The following PCSK2 variants were observed in gnomAD, a reference collection of about 807,000 sequenced individuals.
PCSK2 encodes proprotein convertase subtilisin/kexin type 2.
Under a neutral mutation model 69.7 loss-of-function variants are expected in PCSK2, and 14 were observed. The ratio of observed to expected loss-of-function variants is 0.20; its 90% CI spans 0.13 to 0.31. PCSK2 has a LOEUF of 0.31. Among genes scored for constraint, PCSK2 ranks in the 10% least tolerant of loss-of-function variants. The probability of loss-of-function intolerance (pLI) is 1.00; values close to 1 mark genes in which losing one functional copy is unlikely to be tolerated. For missense variants in PCSK2, 544 were observed against 842.5 expected (o/e 0.65, Z 4.39); for synonymous variants, 307 against 320.7 (o/e 0.96, Z 0.46).
chr20:17,293,921 G>A (rs976017350), intron 2 of PCSK2, among the ~76,000 whole-genome samples: 1 of 151,824 alleles, frequency 6.6e-6, no homozygotes, highest in African/African-American at 2.4e-5. Context: ...TTTTAAAATG[G>A]GCTGGTCCAG....
chr20:17,402,435 G>T (rs571793371), intron 5 of PCSK2, among the ~76,000 whole-genome samples: 1 of 152,122 alleles, frequency 6.6e-6, no homozygotes, highest in Non-Finnish European at 1.5e-5. Context: ...GGAGGCTGAG[G>T]CAGGCAGATC....
intron 11 of PCSK2, among the ~76,000 whole-genome samples, chr20:17,477,681 C>T (rs73900846): frequency 0.034 from 5,187 of 152,026 alleles, 318 homozygotes; most frequent in African/African-American, 0.12. Context: ...ACATGGTATT[C>T]CTACAAGAAT....
chr20:17,388,564 T>TA (rs1232603392), intron 5 of PCSK2, among the ~76,000 whole-genome samples: 1 of 152,018 alleles, frequency 6.6e-6, no homozygotes, highest in African/African-American at 2.4e-5. Flanking sequence ...CATATATCTC[T>TA]AAAAAAAGCA....
chr20:17,335,981 G>A (rs544099158), intron 2 of PCSK2, among the ~76,000 whole-genome samples: 3 of 151,838 alleles, frequency 2.0e-5, no homozygotes, highest in Admixed American at 6.6e-5. Flanking sequence ...GCTCATCACA[G>A]CATCACCTAT....
chr20:17,402,553 C>T (rs2031662495), intron 5 of PCSK2, among the ~76,000 whole-genome samples: 1 of 151,284 alleles, frequency 6.6e-6, no homozygotes, highest in African/African-American at 2.4e-5. Context: ...CCCAGCTACT[C>T]AGGAGGCTGA....
At chr20:17,478,118 T>A (rs2033323639) in intron 11 of PCSK2, among the ~76,000 whole-genome samples, 1 of 152,222 alleles carries the variant, frequency 6.6e-6, no homozygotes, top group Non-Finnish European at 1.5e-5. Context: ...TAGGAGCAAC[T>A]CTTAAAATTA....
chr20:17,416,213 G>A (rs2031996134), intron 6 of PCSK2, among the ~76,000 whole-genome samples: 1 of 152,148 alleles, frequency 6.6e-6, no homozygotes, highest in Admixed American at 6.6e-5. Flanking sequence ...CACGGCAGAA[G>A]AAACTACCAT....
chr20:17,471,959 C>G (rs2033209415), intron 11 of PCSK2, among the ~76,000 whole-genome samples: 1 of 152,218 alleles, frequency 6.6e-6, no homozygotes, highest in Non-Finnish European at 1.5e-5. Flanking sequence ...TTGTGGGTTT[C>G]CTTGGCATTA....
At chr20:17,354,343 G>T (rs2030121272) in intron 2 of PCSK2, among the ~76,000 whole-genome samples, 1 of 152,158 alleles carries the variant, frequency 6.6e-6, no homozygotes, top group Non-Finnish European at 1.5e-5. Flanking sequence ...TAATTAAGTT[G>T]TATGCATGTT....
intron 2 of PCSK2, among the ~76,000 whole-genome samples, chr20:17,320,265 A>G (rs1989823222): frequency 6.6e-6 from 1 of 152,218 alleles, no homozygotes. Context: ...GAAATCATAT[A>G]GAACTCATAG....
intron 4 of PCSK2, among the ~76,000 whole-genome samples, chr20:17,362,387 A>G (rs1397664320): frequency 1.5e-4 from 23 of 152,194 alleles, no homozygotes; most frequent in Non-Finnish European, 2.9e-5. Context: ...AAACAACCAT[A>G]TTATTATCTC....
At chr20:17,260,423 A>G in intron 2 of PCSK2, 79 bp downstream of exon 2, 1 of 973,716 alleles carries the variant, frequency 1.0e-6, no homozygotes, top group Non-Finnish European at 1.7e-6. Context: ...AGGGGCTGGC[A>G]GGGAATTTTG....
intron 11 of PCSK2, among the ~76,000 whole-genome samples, chr20:17,475,964 C>A (rs899932222): frequency 2.6e-5 from 4 of 152,188 alleles, no homozygotes; most frequent in African/African-American, 9.7e-5. Context: ...TGTTATCATT[C>A]TCTGCTTCCT....
chr20:17,320,393 C>T (rs558795305), intron 2 of PCSK2, among the ~76,000 whole-genome samples: 3 of 152,346 alleles, frequency 2.0e-5, no homozygotes, highest in Admixed American at 2.0e-4. Context: ...TGCAGTTATC[C>T]ACTGCAGCAG....
chr20:17,473,834 A>G (rs1568665197), intron 11 of PCSK2, among the ~76,000 whole-genome samples: 2 of 152,196 alleles, frequency 1.3e-5, no homozygotes, highest in African/African-American at 4.8e-5. Context: ...ATTTCATAGT[A>G]ACTTAATATT....
chr20:17,289,315 C>T (rs974923057), intron 2 of PCSK2, among the ~76,000 whole-genome samples: 7 of 152,040 alleles, frequency 4.6e-5, no homozygotes, highest in African/African-American at 1.7e-4. Context: ...AATAACACAG[C>T]AAGTCACATA....
chr20:17,273,027 T>A (rs913705579), intron 2 of PCSK2, among the ~76,000 whole-genome samples: 4 of 152,170 alleles, frequency 2.6e-5, no homozygotes, highest in African/African-American at 9.7e-5. Context: ...TACTGATGGA[T>A]GTTTCGTCAT....
chr20:17,347,080 A>G (rs936233725), intron 2 of PCSK2, among the ~76,000 whole-genome samples: 44 of 152,154 alleles, frequency 2.9e-4, no homozygotes, highest in African/African-American at 1.0e-3. Flanking sequence ...TCCCTCCTCA[A>G]TTGATCATCT....
intron 1 of PCSK2, chr20:17,228,385 T>C (rs1282960026): frequency 6.5e-6 from 1 of 153,206 alleles, no homozygotes; most frequent in Non-Finnish European, 1.5e-5. Context: ...AGAAGGGCGC[T>C]GGGTGGGGGC....
Sources: allele counts gnomAD v4.1 joint callset (sites outside exome capture counted in the v4.1 genomes callset), GRCh38; gene constraint gnomAD v4.1.1; transcripts MANE v1.5; gene names NCBI Gene and HGNC (gene_info 2026-07-23, HGNC 2026-07-21).